The following DIS3L variants were observed in gnomAD, a reference collection of about 807,000 sequenced individuals.
DIS3L encodes DIS3-like exonuclease 1.
In DIS3L, 100 loss-of-function variants were observed where a neutral mutation model predicts 120.3. That is an observed-to-expected ratio of 0.83 (90% confidence interval 0.71 to 0.98). The LOEUF (loss-of-function observed/expected upper bound fraction) is 0.98, where lower values mean the gene tolerates loss of function less well. Ranked by LOEUF, DIS3L falls within the 50% of genes least tolerant of loss-of-function variation. The pLI is 0.00. For missense variants in DIS3L, 1,196 were observed against 1,314.2 expected, an observed-to-expected ratio of 0.91 and a Z score of 1.39; for synonymous variants, 426 against 470.6, an observed-to-expected ratio of 0.91 and a Z score of 1.23.
chr15:66,317,774 T>C (rs2140374719), intron 7 of DIS3L, among the ~76,000 whole-genome samples: 1 of 150,964 alleles, frequency 6.6e-6, no homozygotes, highest in East Asian at 1.9e-4. Flanking sequence ...GACTGTAACA[T>C]ATTATGATAG....
chr15:66,293,317 C>T (rs868833814), upstream of DIS3L: 1 of 334,040 alleles, frequency 3.0e-6, no homozygotes, highest in South Asian at 1.2e-4. Context: ...GCGCCCAGCC[C>T]TTCTTCACCT....
intron 10 of DIS3L, among the ~76,000 whole-genome samples, 200 bp downstream of exon 10, chr15:66,323,134 C>T (rs898355710): frequency 2.0e-5 from 3 of 152,130 alleles, no homozygotes; most frequent in Non-Finnish European, 2.9e-5. Context: ...TTTAACATAA[C>T]CTTTTCACAC....
Position 66,296,604 on chromosome 15 carries a change from A to G in DIS3L, c.293+1463A>G, listed in dbSNP as rs551992599. 2.0e-5 allele frequency among the ~76,000 whole-genome samples: 3 copies of G among 150,714 alleles called. No homozygotes were observed. The South Asian group carries it at 6.3e-4, about 32-fold the overall frequency. ...TGATTTCGGCTCACAGGTCACTGCA[A>G]CCTCCACCTCCCGGGTTCAAGTGAT... On this transcript the variant is annotated intron_variant, in intron 2 of 16. Coordinates refer to ENST00000319212, the MANE Select transcript of DIS3L (RefSeq NM_001143688.3).
Position 66,293,581 on chromosome 15 carries a change from C to G in DIS3L, c.-16C>G. 1.4e-6 allele frequency: 2 copies of G among 1,424,162 alleles called. 1 individual carries two copies. The highest frequency in any genetic ancestry group is 1.8e-6 in the Non-Finnish European group (2 of 1,088,314). The allele number at this position is 1,424,162 out of a possible 1,614,324, so 88.2% of individuals were successfully genotyped here. A position where few individuals can be genotyped will look rare whatever the true frequency, so the allele number is the denominator to read the frequency against. ...GCCGCGCCCGCCACTCCGCGGCCGCCGGGAGACACGCCGCCATGCTGCAGA... is the reference window on the plus strand; with the variant it reads ...GCCGCGCCCGCCACTCCGCGGCCGCGGGGAGACACGCCGCCATGCTGCAGA... On this transcript the variant is annotated 5_prime_UTR_variant, in exon 1 of 17. Coordinates refer to ENST00000319212, the MANE Select transcript of DIS3L (RefSeq NM_001143688.3).
chr15:66,315,756 C>G (rs1458788324), intron 7 of DIS3L, among the ~76,000 whole-genome samples: 1 of 152,220 alleles, frequency 6.6e-6, no homozygotes, highest in Non-Finnish European at 1.5e-5. Context: ...TCCACGTTCT[C>G]TCTTCCTCTC....
intron 15 of DIS3L, among the ~76,000 whole-genome samples, chr15:66,332,485 A>AGGGTGTGTGT (rs2093009585): frequency 9.1e-6 from 1 of 109,748 alleles, no homozygotes; most frequent in African/African-American, 3.2e-5. Context: ...TGAAGACTGG[A>AGGGTGTGTGT]GTGTGTGTGT....
intron 2 of DIS3L, among the ~76,000 whole-genome samples, chr15:66,295,501 G>A (rs966046901): frequency 2.6e-5 from 4 of 152,146 alleles, no homozygotes; most frequent in African/African-American, 9.7e-5. Context: ...TGTTTCAGAA[G>A]CATACGTTCT....
At chr15:66,304,627 G>A (rs745514782) in intron 2 of DIS3L, among the ~76,000 whole-genome samples, 5 of 152,114 alleles carry the variant, frequency 3.3e-5, no homozygotes, top group African/African-American at 7.2e-5. Flanking sequence ...ATGGCCGGGC[G>A]TGACGGCTTA....
Position 66,315,301 on chromosome 15 carries a change from C to A in DIS3L, c.994+86C>A, listed in dbSNP as rs977930119. On this transcript the variant is annotated intron_variant, in intron 7 of 16. Transcript: ENST00000319212. ...TCTTTAGCAATCCAGAAATACTGCC[C>A]TTATTTTATTTATTTATTTTATTTA... 9.7e-6 allele frequency: 12 copies of A among 1,236,658 alleles called. No individual in the cohort carries two copies. In the East Asian group the frequency reaches 3.1e-4, roughly 32 times the overall value. 76.6% of individuals were successfully genotyped at this position (1,236,658 alleles called of 1,614,324 possible).
chr15:66,293,469 G>T, upstream of DIS3L: 2 of 1,228,002 alleles, frequency 1.6e-6, no homozygotes, highest in Non-Finnish European at 1.0e-6. Flanking sequence ...GTAGCTCCGG[G>T]CCTCCCCCGG....
intron 9 of DIS3L, 127 bp downstream of exon 9, chr15:66,320,859 A>G (rs2092876195): frequency 8.5e-7 from 1 of 1,180,818 alleles, no homozygotes; most frequent in South Asian, 1.6e-5. Flanking sequence ...AGATAATGGA[A>G]AAATCTCAAT....
At chr15:66,304,414 C>T (rs936644512) in intron 2 of DIS3L, among the ~76,000 whole-genome samples, 2 of 152,294 alleles carry the variant, frequency 1.3e-5, no homozygotes, top group African/African-American at 2.4e-5. Context: ...GATCGTGCCA[C>T]TGCATTCCAG....
chr15:66,328,591 T>C (rs917803603), intron 12 of DIS3L, among the ~76,000 whole-genome samples: 6 of 152,148 alleles, frequency 3.9e-5, no homozygotes, highest in Non-Finnish European at 8.8e-5. Context: ...GAAAAACTAA[T>C]TTAGGTTTCT....
rs776030841 is a variant in DIS3L, at chr15:66,326,114, C to T, written c.1951C>T (p.Leu651=). Residue 651 remains leucine (L), a synonymous_variant, in exon 12 of 17, where the codon CTG becomes TTG. Coordinates refer to ENST00000319212, the MANE Select transcript of DIS3L (RefSeq NM_001143688.3). ...ACGAGACGGATGTGGTGCCCTGGAACTGGAAGGGGTAGAGGTTTGCGTACA... is the reference window on the plus strand; with the variant it reads ...ACGAGACGGATGTGGTGCCCTGGAATTGGAAGGGGTAGAGGTTTGCGTACA... The part of the protein sequence containing the change: ...AKRDGCGALE[L]EGVEVCVQLD... 1 of 1,614,170 alleles carries T rather than the reference C, an allele frequency of 6.2e-7. No homozygotes were observed. The highest frequency in any genetic ancestry group is 1.7e-5 in the Admixed American group (1 of 60,026).
In DIS3L at chr15:66,329,412, T is replaced by C. The variant is rs1478841523; in HGVS notation, c.2535+13T>C. 4 of 1,597,004 alleles carry C rather than the reference T, an allele frequency of 2.5e-6. No homozygotes were observed. In the African/African-American group the frequency reaches 5.4e-5, roughly 22 times the overall value. The stretch of plus-strand genomic sequence containing the variant: ...CAACAGAAACCAAGTAAGAGGGAAT[T>C]TCAAAATTCTCTTACCTGTCATCTC... On this transcript the variant is annotated intron_variant, in intron 14 of 16. Transcript: ENST00000319212.
chr15:66,307,375 C>T (rs1394023925), intron 3 of DIS3L, among the ~76,000 whole-genome samples: 2 of 152,008 alleles, frequency 1.3e-5, no homozygotes, highest in Non-Finnish European at 2.9e-5. Context: ...CAACTCACTG[C>T]AGCCTCGACC....
At chr15:66,314,260 G>A in intron 6 of DIS3L, 143 bp downstream of exon 6, 1 of 557,674 alleles carries the variant, frequency 1.8e-6, no homozygotes, top group South Asian at 6.4e-5. Context: ...ATTGTGGCGG[G>A]GGGTGGTTCC....
intron 4 of DIS3L, among the ~76,000 whole-genome samples, chr15:66,309,103 A>ATATATATATATATATATATATATATATC: frequency 9.5e-6 from 1 of 105,446 alleles, no homozygotes; most frequent in Admixed American, 1.0e-4. Context: ...AAATATATAT[A>ATATATATATATATATATATATATATATC]TCTCCAAGCA....
intron 2 of DIS3L, among the ~76,000 whole-genome samples, chr15:66,301,023 CTT>C (rs972324390): frequency 6.6e-6 from 1 of 152,184 alleles, no homozygotes; most frequent in Non-Finnish European, 1.5e-5. Context: ...ACAGAATTCA[CTT>C]TGTAGGTCTT....
Sources: allele counts gnomAD v4.1 joint callset (sites outside exome capture counted in the v4.1 genomes callset), GRCh38; gene constraint gnomAD v4.1.1; transcripts MANE v1.5; gene names NCBI Gene and HGNC (gene_info 2026-07-23, HGNC 2026-07-21).